CCNY: variants seen among roughly 807,000 people sequenced by gnomAD.
CCNY encodes the protein cyclin-Y.
CCNY carries 19 observed loss-of-function variants against 42.8 expected under a neutral mutation model. The observed-to-expected ratio is 0.44, with a 90% CI of 0.31 to 0.65. CCNY has a LOEUF of 0.65. CCNY is among the 30% of genes least tolerant of loss of function. The pLI, the probability that CCNY is intolerant of heterozygous loss-of-function variation, is 0.07. For synonymous variants in CCNY, 165 were observed against 162.7 expected, an observed-to-expected ratio of 1.01 and a Z score of -0.11; for missense variants, 370 against 437.3, an observed-to-expected ratio of 0.85 and a Z score of 1.37.
chr10:35,336,259 G>A (rs1298868119), upstream of CCNY: 1 of 152,008 alleles, frequency 6.6e-6, no homozygotes, highest in Non-Finnish European at 1.5e-5. Flanking sequence ...CCAGCCCGGG[G>A]GAGTGGAGGA....
In CCNY at chr10:35,308,246, G is replaced by A. The variant is rs1039213617; in HGVS notation, c.-9+57620G>A. ...CACAGATTGCCTGATGGCAGAGCAC[G>A]CAAAAGAGGAGGAGGTGGGAGGCTG... On this transcript the variant is annotated intron_variant, in intron 3 of 11. Transcript: ENST00000374706. Among the ~76,000 whole-genome samples, 10 of 151,980 alleles carry A rather than the reference G, an allele frequency of 6.6e-5. No individual in the cohort carries two copies. The East Asian group carries it at 1.2e-3, about 18-fold the overall frequency.
chr10:35,296,475 G>T (rs1589022091), intron 3 of CCNY, among the ~76,000 whole-genome samples: 1 of 152,142 alleles, frequency 6.6e-6, no homozygotes, highest in African/African-American at 2.4e-5. Flanking sequence ...CAGTTACTTG[G>T]GAGGTTGAGA....
At chr10:35,366,835 T>C (rs1295657889) in intron 1 of CCNY, among the ~76,000 whole-genome samples, 1 of 152,238 alleles carries the variant, frequency 6.6e-6, no homozygotes, top group African/African-American at 2.4e-5. Context: ...AACTGAATTT[T>C]AAATCTTACT....
chr10:35,510,363 C>A (rs1271573067), intron 3 of CCNY, among the ~76,000 whole-genome samples: 1 of 152,112 alleles, frequency 6.6e-6, no homozygotes, highest in Non-Finnish European at 1.5e-5. Flanking sequence ...CACAGGCATG[C>A]ATCACCACAC....
intron 7 of CCNY, among the ~76,000 whole-genome samples, chr10:35,541,182 G>C (rs185850149): frequency 6.6e-6 from 1 of 151,536 alleles, no homozygotes; most frequent in Admixed American, 6.6e-5. Flanking sequence ...AAATTTTGCT[G>C]GGTTATACTT....
At chr10:35,525,241 A>G (rs1201243324) in intron 4 of CCNY, among the ~76,000 whole-genome samples, 2 of 152,182 alleles carry the variant, frequency 1.3e-5, no homozygotes, top group Non-Finnish European at 2.9e-5. Flanking sequence ...ATTTATAGAA[A>G]GCTATATATC....
At chr10:35,560,653 T>A (rs539084919) in intron 8 of CCNY, among the ~76,000 whole-genome samples, 17 of 152,304 alleles carry the variant, frequency 1.1e-4, no homozygotes, top group African/African-American at 3.6e-4. Context: ...CTGTAAACTT[T>A]ATTAAAAGAA....
At position 35,426,109 on chromosome 10, in the gene CCNY, G is replaced by GCACACACA. The variant is rs1341818857; in HGVS notation, c.155-57294_155-57293insACACACAC. ...TCTTCTCCCTTCACTGGTCCAGCAC[G>GCACACACA]CGCACACACACACACACACACACAC... On this transcript the variant is annotated intron_variant, in intron 1 of 9. Coordinates refer to ENST00000374704, the MANE Select transcript of CCNY (RefSeq NM_145012.6). 2.3e-3 allele frequency among the ~76,000 whole-genome samples: 261 copies of GCACACACA among 111,756 alleles called. 12 individuals carry two copies. The highest frequency in any genetic ancestry group is 4.3e-3 in the African/African-American group (118 of 27,606). The allele number at this position is 111,756 out of a possible 152,430, so 73.3% of individuals were successfully genotyped here.
chr10:35,514,056 C>T lies in CCNY; in HGVS notation c.265-2467C>T, dbSNP rs1342580835. ...GGAGGTGTTGTACTTTCCTCCACCACACCCTGAGAGGACCAGTTCAAAAAA... is the reference window on the plus strand; with the variant it reads ...GGAGGTGTTGTACTTTCCTCCACCATACCCTGAGAGGACCAGTTCAAAAAA... On this transcript the variant is annotated intron_variant, in intron 3 of 9. Transcript: ENST00000374704. Among the ~76,000 whole-genome samples, 3 of 139,312 alleles carry T rather than the reference C, an allele frequency of 2.2e-5. No individual in the cohort carries two copies. The East Asian group carries it at 6.2e-4, about 29-fold the overall frequency. The allele number at this position is 139,312 out of a possible 152,430, so 91.4% of individuals were successfully genotyped here.
At chr10:35,567,085 AT>A (rs1162377187) in intron 9 of CCNY, among the ~76,000 whole-genome samples, 1 of 152,204 alleles carries the variant, frequency 6.6e-6, no homozygotes, top group Non-Finnish European at 1.5e-5. Context: ...CCCAAAAAGC[AT>A]TTCCCGCAAT....
At position 35,467,275 on chromosome 10, in the gene CCNY, G is replaced by T. The variant is rs1241316423; in HGVS notation, c.155-16129G>T. 2.6e-5 allele frequency among the ~76,000 whole-genome samples: 4 copies of T among 152,228 alleles called. No homozygotes were observed. The South Asian group carries it at 8.3e-4, about 32-fold the overall frequency. ...GTTTTGTTTGTATTGCTTAGTAAAT[G>T]GATTATTTTTTATTGTCATTATTAG... On this transcript the variant is annotated intron_variant, in intron 1 of 9. Transcript: ENST00000374704.
chr10:35,427,888 G>T (rs989389125), intron 1 of CCNY, among the ~76,000 whole-genome samples: 9 of 152,096 alleles, frequency 5.9e-5, no homozygotes, highest in Middle Eastern at 6.8e-3. Context: ...TCTGGATCTA[G>T]CCCCACCTGG....
At chr10:35,398,324 A>G (rs1837569520) in intron 1 of CCNY, among the ~76,000 whole-genome samples, 1 of 152,246 alleles carries the variant, frequency 6.6e-6, no homozygotes, top group South Asian at 2.1e-4. Context: ...AAAGCCAGCA[A>G]GGTCCTTGGT....
chr10:35,450,281 C>CT (rs376867624), intron 1 of CCNY, among the ~76,000 whole-genome samples: 2 of 151,840 alleles, frequency 1.3e-5, no homozygotes, highest in Admixed American at 6.6e-5. Flanking sequence ...ACTTTGAGAG[C>CT]AGGGAGTCCT....
At chr10:35,551,655 A>G (rs1841260809) in intron 7 of CCNY, among the ~76,000 whole-genome samples, 1 of 152,220 alleles carries the variant, frequency 6.6e-6, no homozygotes, top group Admixed American at 6.5e-5. Context: ...ATGGGAAACT[A>G]AAAAAGACAT....
intron 1 of CCNY, among the ~76,000 whole-genome samples, chr10:35,456,719 A>T (rs1360799667): frequency 1.3e-5 from 2 of 152,242 alleles, no homozygotes; most frequent in Non-Finnish European, 2.9e-5. Flanking sequence ...GAATGTTTGA[A>T]GGGCAGTTTA....
chr10:35,538,652 G>A (rs909598219), intron 7 of CCNY, among the ~76,000 whole-genome samples: 15 of 152,074 alleles, frequency 9.9e-5, no homozygotes, highest in African/African-American at 3.1e-4. Context: ...TTTTAAGAAC[G>A]GGTTGTCTTT....
intron 2 of CCNY, among the ~76,000 whole-genome samples, chr10:35,498,941 T>G (rs1840055464): frequency 6.6e-6 from 1 of 152,200 alleles, no homozygotes; most frequent in African/African-American, 2.4e-5. Flanking sequence ...CTGTAATAGA[T>G]TCAGATAGCT....
intron 4 of CCNY, among the ~76,000 whole-genome samples, chr10:35,525,387 G>A (rs895248104): frequency 6.6e-6 from 1 of 152,320 alleles, no homozygotes; most frequent in Admixed American, 6.5e-5. Flanking sequence ...GGAAGGGAAT[G>A]TAATTGTTCA....
Sources: gnomAD v4.1 joint callset for allele counts (sites outside exome capture counted in the v4.1 genomes callset) on GRCh38, gnomAD v4.1.1 for gene constraint, MANE v1.5 for transcripts, NCBI Gene and HGNC (gene_info 2026-07-23, HGNC 2026-07-21) for gene names.